NBEA: variants seen among roughly 807,000 people sequenced by gnomAD.
NBEA encodes the protein lysosomal-trafficking regulator 2.
In NBEA, 44 loss-of-function variants were observed where a neutral mutation model predicts 343.4. The ratio of observed to expected loss-of-function variants is 0.13; its 90% confidence interval spans 0.10 to 0.16. NBEA has a LOEUF of 0.16. NBEA is among the 10% of genes least tolerant of loss of function. The pLI is 1.00. For synonymous variants in NBEA, 1,175 were observed against 1,238.7 expected (o/e 0.95, Z 1.08); for missense variants, 2,555 against 3,631.3 (o/e 0.70, Z 7.62).
At chr13:35,262,044 A>G (rs2033259618) in intron 34 of NBEA, among the ~76,000 whole-genome samples, 1 of 152,238 alleles carries the variant, frequency 6.6e-6, no homozygotes, top group Admixed American at 6.5e-5. Flanking sequence ...GATTATATTA[A>G]ATGCCAGATG....
At chr13:35,363,358 G>T (rs1291625658) in intron 38 of NBEA, among the ~76,000 whole-genome samples, 1 of 151,872 alleles carries the variant, frequency 6.6e-6, no homozygotes, top group Non-Finnish European at 1.5e-5. Flanking sequence ...GCAAGGAGCT[G>T]TGGTACCTAG....
intron 18 of NBEA, among the ~76,000 whole-genome samples, chr13:35,146,976 G>T (rs1440321370): frequency 1.3e-5 from 2 of 152,264 alleles, no homozygotes; most frequent in East Asian, 3.9e-4. Flanking sequence ...CAGTATGGGG[G>T]TCAATGTTAG....
At chr13:35,328,111 A>G (rs1594234121) in intron 36 of NBEA, among the ~76,000 whole-genome samples, 1 of 151,982 alleles carries the variant, frequency 6.6e-6, no homozygotes, top group Non-Finnish European at 1.5e-5. Context: ...ATTTTGGCAA[A>G]TAGAAGATCT....
chr13:35,412,420 C>T (rs998459502), intron 38 of NBEA, among the ~76,000 whole-genome samples: 9 of 152,106 alleles, frequency 5.9e-5, no homozygotes, highest in African/African-American at 1.7e-4. Flanking sequence ...TTCACCTGTG[C>T]GGCAAGTGGG....
chr13:35,190,428 G>A (rs2152737667), intron 30 of NBEA, among the ~76,000 whole-genome samples: 1 of 152,176 alleles, frequency 6.6e-6, no homozygotes, highest in South Asian at 2.1e-4. Flanking sequence ...GGCTAAGAGA[G>A]AGTTTTAAAC....
At chr13:35,127,004 A>G (rs976897497) in intron 17 of NBEA, among the ~76,000 whole-genome samples, 3 of 152,084 alleles carry the variant, frequency 2.0e-5, no homozygotes, top group Non-Finnish European at 4.4e-5. Flanking sequence ...AACAAAACGA[A>G]TATTTAAATC....
chr13:35,389,027 T>C (rs1377851817), intron 38 of NBEA, among the ~76,000 whole-genome samples: 3 of 151,856 alleles, frequency 2.0e-5, no homozygotes, highest in Admixed American at 1.3e-4. Context: ...CTTTTTTTTT[T>C]TTTTTCTTTT....
chr13:35,160,128 T>A lies in NBEA; in HGVS notation c.3861+96T>A, dbSNP rs1286417879. On this transcript the variant is annotated intron_variant, in intron 22 of 58. Coordinates refer to ENST00000379939, the MANE Select transcript of NBEA (RefSeq NM_001385012.1). ...TAATTTCTTATCAGTTACTTCATGT[T>A]TATATTGAATTATAGTATAATAGTA... 5.5e-6 allele frequency: 6 copies of A among 1,091,508 alleles called. No homozygotes were observed. The Admixed American group carries it at 1.5e-4, about 27-fold the overall frequency. The allele number at this position is 1,091,508 out of a possible 1,614,324, so 67.6% of individuals were successfully genotyped here. A position where few individuals can be genotyped will look rare whatever the true frequency, so the allele number is the denominator to read the frequency against.
chr13:35,476,645 AGTGT>A, intron 41 of NBEA: 2 of 509,616 alleles, frequency 3.9e-6, no homozygotes, highest in Non-Finnish European at 6.7e-6. Context: ...GTCCGGGGTG[AGTGT>A]GCGTGTGTAT....
At chr13:35,160,163 ACT>A in intron 22 of NBEA, 131 bp downstream of exon 22, 1 of 846,400 alleles carries the variant, frequency 1.2e-6, no homozygotes, top group Non-Finnish European at 1.7e-6. Flanking sequence ...AATTTATGGA[ACT>A]AAATAGTGCG....
chr13:35,575,807 C>T (rs751492299), intron 45 of NBEA, among the ~76,000 whole-genome samples: 6 of 152,152 alleles, frequency 3.9e-5, no homozygotes, highest in South Asian at 2.1e-4. Context: ...ATTCAGTCAG[C>T]GACCACACAG....
At chr13:34,961,808 TGAG>T (rs1242303369) in intron 1 of NBEA, among the ~76,000 whole-genome samples, 2 of 151,980 alleles carry the variant, frequency 1.3e-5, no homozygotes, top group Non-Finnish European at 2.9e-5. Flanking sequence ...AAGCTTGAGT[TGAG>T]TTTTGAAAGA....
At chr13:35,659,653 A>C (rs2084977071) in intron 55 of NBEA, among the ~76,000 whole-genome samples, 1 of 152,242 alleles carries the variant, frequency 6.6e-6, no homozygotes, top group African/African-American at 2.4e-5. Context: ...ATAGAGTCTC[A>C]GACCATAAAA....
At chr13:35,365,603 C>G (rs960398018) in intron 38 of NBEA, among the ~76,000 whole-genome samples, 1 of 151,564 alleles carries the variant, frequency 6.6e-6, no homozygotes, top group Non-Finnish European at 1.5e-5. Flanking sequence ...CATTATTAGG[C>G]TAGTGAGATA....
At chr13:35,512,485 A>G (rs560940423) in intron 41 of NBEA, among the ~76,000 whole-genome samples, 17 of 152,302 alleles carry the variant, frequency 1.1e-4, no homozygotes, top group African/African-American at 2.9e-4. Context: ...TTAGGGACCA[A>G]CTGCTCTGTT....
chr13:35,037,328 C>T (rs193187770), intron 1 of NBEA, among the ~76,000 whole-genome samples: 1 of 152,204 alleles, frequency 6.6e-6, no homozygotes, highest in East Asian at 1.9e-4. Flanking sequence ...CTTTGAGTTT[C>T]CTCAACACAG....
intron 29 of NBEA, among the ~76,000 whole-genome samples, 182 bp from the exon 30 acceptor site, chr13:35,183,794 T>C (rs549218704): frequency 6.6e-6 from 1 of 152,248 alleles, no homozygotes; most frequent in Non-Finnish European, 1.5e-5. Context: ...AGAATTACTC[T>C]ACTTAACAAA....
At chr13:34,984,117 C>CT (rs1481577580) in intron 1 of NBEA, among the ~76,000 whole-genome samples, 1 of 152,088 alleles carries the variant, frequency 6.6e-6, no homozygotes, top group East Asian at 1.9e-4. Context: ...GCCCATGCCT[C>CT]TTTCCTGAAT....
In NBEA at chr13:35,359,819, T is replaced by G. The variant is rs189437229; in HGVS notation, c.6179+7496T>G. ...TTAATAGCCCCTTGAGTTTAATAGG[T>G]GTGTGTGTGTGTATGTGTGTGTGTG... On this transcript the variant is annotated intron_variant, in intron 38 of 58. Coordinates refer to ENST00000379939, the MANE Select transcript of NBEA (RefSeq NM_001385012.1). 6.8e-4 allele frequency among the ~76,000 whole-genome samples: 98 copies of G among 143,762 alleles called. 1 individual carries two copies. The East Asian group carries it at 0.017, about 25-fold the overall frequency. 94.3% of individuals were successfully genotyped at this position (143,762 alleles called of 152,430 possible).
Sources: allele counts gnomAD v4.1 joint callset (sites outside exome capture counted in the v4.1 genomes callset), GRCh38; gene constraint gnomAD v4.1.1; transcripts MANE v1.5; gene names NCBI Gene and HGNC (gene_info 2026-07-23, HGNC 2026-07-21).